DNAH5: variants seen among roughly 807,000 people sequenced by gnomAD.
DNAH5 encodes axonemal beta dynein heavy chain 5.
DNAH5 carries 372 observed loss-of-function variants against 518.2 expected under a neutral mutation model. The observed-to-expected ratio is 0.72, with a 90% CI of 0.66 to 0.78. The LOEUF is 0.78. DNAH5 is among the 30% of genes least tolerant of loss of function. The pLI, the probability that DNAH5 is intolerant of heterozygous loss-of-function variation, is 0.00. For synonymous variants in DNAH5, 2,039 were observed against 2,025.9 expected (o/e 1.01, Z -0.17); for missense variants, 5,523 against 5,687.0 (o/e 0.97, Z 0.93).
intron 29 of DNAH5, among the ~76,000 whole-genome samples, chr5:13,861,764 C>T (rs1768446773): frequency 6.6e-6 from 1 of 151,936 alleles, no homozygotes; most frequent in African/African-American, 2.4e-5. Flanking sequence ...TGAGACCAGC[C>T]TGGCCAACAT....
chr5:13,743,691 G>A (rs1377884271), intron 65 of DNAH5, among the ~76,000 whole-genome samples: 1 of 151,852 alleles, frequency 6.6e-6, no homozygotes, highest in South Asian at 2.1e-4. Context: ...AAATGGCCAA[G>A]AAATATATGA....
chr5:13,718,200 A>C (rs1330027024), intron 72 of DNAH5, among the ~76,000 whole-genome samples: 1 of 152,158 alleles, frequency 6.6e-6, no homozygotes, highest in Admixed American at 6.5e-5. Flanking sequence ...TTTAGTTACA[A>C]TTTATTTCAA....
rs148334489 is a variant in DNAH5 at position 13,973,203 on chromosome 5, C to T, written c.12+38445G>A. Among the ~76,000 whole-genome samples, 243 of 152,202 alleles carry T rather than the reference C, an allele frequency of 1.6e-3. 1 individual carries two copies. Among genetic ancestry groups the T allele is most frequent in the African/African-American group, 5.6e-3 (233 of 41,532 alleles). On this transcript the variant is annotated intron_variant, in intron 1 of 78. Transcript: ENST00000681290. ...AGCAATGCCAGAGGGAGGCCAGGAG[C>T]CAAGGAATTCAGATGACCTTTAGAA...
At chr5:13,792,582 C>T (rs1235810435) in intron 49 of DNAH5, among the ~76,000 whole-genome samples, 1 of 152,118 alleles carries the variant, frequency 6.6e-6, no homozygotes, top group Non-Finnish European at 1.5e-5. Flanking sequence ...TCTGTCATTG[C>T]CTTTCCACGC....
At chr5:13,826,798 G>A (rs1215090063) in intron 38 of DNAH5, among the ~76,000 whole-genome samples, 1 of 152,212 alleles carries the variant, frequency 6.6e-6, no homozygotes, top group Admixed American at 6.5e-5. Context: ...AGCAACTTTG[G>A]AACTGGGTAA....
chr5:14,011,197 A>G (rs1241033950), intron 1 of DNAH5, among the ~76,000 whole-genome samples: 2 of 152,118 alleles, frequency 1.3e-5, no homozygotes, highest in African/African-American at 4.8e-5. Context: ...TCCAAACCCA[A>G]GGGCTAATGA....
intron 1 of DNAH5, among the ~76,000 whole-genome samples, chr5:13,990,593 C>T (rs1027201031): frequency 2.0e-5 from 3 of 151,460 alleles, no homozygotes; most frequent in Non-Finnish European, 2.9e-5. Flanking sequence ...TGGGGCCAGG[C>T]GTGGTGGCTC....
rs200897721 is a variant in DNAH5 at position 13,837,472 on chromosome 5, GACAGCGA to G, written c.5882+1877_5882+1883del. ...GGAGTCAGTGGGGGTGTTGGCTTTG[GACAGCGA>G]ACCTGGAGAGAAAGCAGCTGCATGA... On this transcript the variant is annotated intron_variant, in intron 35 of 78. Transcript: ENST00000265104. Among the ~76,000 whole-genome samples the G allele has an allele frequency of 9.0e-3, 1,374 of 152,056 alleles. 19 individuals are homozygous for G. Among genetic ancestry groups the G allele is most frequent in the African/African-American group, 0.032 (1,308 of 41,468 alleles).
intron 47 of DNAH5, among the ~76,000 whole-genome samples, chr5:13,799,069 T>A (rs1758312318): frequency 1.3e-5 from 2 of 152,102 alleles, no homozygotes; most frequent in African/African-American, 4.8e-5. Flanking sequence ...CCTGGCCTCA[T>A]CATTTTAATG....
At chr5:13,699,511 C>T (rs1187471321) in intron 78 of DNAH5, among the ~76,000 whole-genome samples, 1 of 152,098 alleles carries the variant, frequency 6.6e-6, no homozygotes, top group East Asian at 1.9e-4. Flanking sequence ...GTCAGGAGTT[C>T]GAGACCAGCC....
At chr5:13,828,870 C>G (rs556235460) in intron 38 of DNAH5, among the ~76,000 whole-genome samples, 1 of 152,210 alleles carries the variant, frequency 6.6e-6, no homozygotes, top group Non-Finnish European at 1.5e-5. Context: ...TTGTTAGACA[C>G]AAACCACAGG....
At chr5:13,962,410 T>C (rs1781245998) in intron 1 of DNAH5, among the ~76,000 whole-genome samples, 2 of 152,202 alleles carry the variant, frequency 1.3e-5, no homozygotes, top group South Asian at 4.1e-4. Flanking sequence ...AATTTTAGCA[T>C]TATAGTACAC....
intron 1 of DNAH5, among the ~76,000 whole-genome samples, chr5:13,975,336 G>T (rs752778634): frequency 6.6e-5 from 10 of 152,126 alleles, no homozygotes; most frequent in Non-Finnish European, 1.3e-4. Context: ...CTCCCACTGG[G>T]TCCCTCCCAC....
chr5:13,931,027 C>G, intron 2 of DNAH5, 83 bp downstream of exon 2: 1 of 1,604,292 alleles, frequency 6.2e-7, no homozygotes. Context: ...CTGGGCACAG[C>G]ATGGGATCCT....
At chr5:13,736,409 G>A (rs11133761) in intron 66 of DNAH5, among the ~76,000 whole-genome samples, 3 of 151,740 alleles carry the variant, frequency 2.0e-5, no homozygotes, top group Non-Finnish European at 1.5e-5. Flanking sequence ...TTATTATTTT[G>A]TTGATACGGA....
rs1554019790 is a variant in DNAH5 at position 13,716,478 on chromosome 5, T to G, written c.12909+9A>C. On this transcript the variant is annotated intron_variant, in intron 74 of 78. Transcript: ENST00000265104. ...TTGCTCTATGCATAAAATTCTGAAG[T>G]TGACAAACCTGGATATACTGAAGAT... 6.2e-7 allele frequency: 1 copy of G among 1,609,778 alleles called. No individual in the cohort carries two copies. The highest frequency in any genetic ancestry group is 8.5e-7 in the Non-Finnish European group (1 of 1,176,452).
chr5:13,919,260 A>C lies in DNAH5; in HGVS notation c.891T>G (p.Phe297Leu). Reference protein sequence around the residue: ...LEHWKKRLSKFNYLLEQLKSP... With the variant: ...LEHWKKRLSKLNYLLEQLKSP... ...TTTTCAATTGTTCCAAAAGGTAGTT[A>C]AACTTGGAGAGTCTTTTTTTCCAGT... The change falls in exon 7 of 79, where the codon TTT (phenylalanine) becomes TTG (leucine). Residue 297 changes from phenylalanine (F) to leucine (L), a missense_variant. By Grantham distance (22) the Phe-to-Leu change is conservative (BLOSUM62 0). Transcript: ENST00000265104. The C allele has an allele frequency of 6.2e-7, 1 of 1,614,166 alleles. No individual in the cohort carries two copies.
At chr5:13,770,144 C>T (rs979265242) in intron 56 of DNAH5, among the ~76,000 whole-genome samples, 22 of 152,124 alleles carry the variant, frequency 1.4e-4, no homozygotes, top group African/African-American at 4.8e-4. Flanking sequence ...TGTAACTGCC[C>T]ACCCAGGGAT....
intron 1 of DNAH5, among the ~76,000 whole-genome samples, chr5:13,989,560 T>C (rs1302239802): frequency 6.7e-6 from 1 of 149,716 alleles, no homozygotes; most frequent in Non-Finnish European, 1.5e-5. Flanking sequence ...CTCGGCTCAC[T>C]GCAAGCTCTG....
Sources: allele counts gnomAD v4.1 joint callset (sites outside exome capture counted in the v4.1 genomes callset), GRCh38; gene constraint gnomAD v4.1.1; transcripts MANE v1.5; gene names NCBI Gene and HGNC (gene_info 2026-07-23, HGNC 2026-07-21).